TRAK1: variants seen among roughly 807,000 people sequenced by gnomAD.
The protein encoded by TRAK1 is trafficking kinesin protein 1.
A neutral mutation model predicts 92.1 loss-of-function variants in TRAK1; 33 were observed. The observed-to-expected ratio is 0.36, with a 90% CI of 0.27 to 0.48. The LOEUF is 0.48. TRAK1 is among the 20% of genes least tolerant of loss of function. The pLI, the probability that TRAK1 is intolerant of heterozygous loss-of-function variation, is 0.99. For missense variants in TRAK1, 1,123 were observed against 1,257.9 expected, an observed-to-expected ratio of 0.89 and a Z score of 1.62; for synonymous variants, 521 against 517.3, an observed-to-expected ratio of 1.01 and a Z score of -0.10.
intron 8 of TRAK1, among the ~76,000 whole-genome samples, 165 bp from the exon 9 acceptor site, chr3:42,193,659 G>A (rs1270500967): frequency 6.6e-6 from 1 of 152,112 alleles, no homozygotes; most frequent in Non-Finnish European, 1.5e-5. Context: ...TGTGGATATA[G>A]GAAAGACTTT....
intron 1 of TRAK1, among the ~76,000 whole-genome samples, chr3:42,116,168 GC>G (rs1709134638): frequency 6.6e-6 from 1 of 152,234 alleles, no homozygotes; most frequent in Non-Finnish European, 1.5e-5. Context: ...ACATCCCGAG[GC>G]CTCTTGCATG....
intron 14 of TRAK1, chr3:42,218,902 C>T: frequency 1.0e-6 from 1 of 985,358 alleles, no homozygotes; most frequent in Non-Finnish European, 1.2e-6. Flanking sequence ...GAACTCTTGC[C>T]ACGTTGTTGC....
At chr3:42,210,292 T>C (rs1331032735) in intron 14 of TRAK1, 2 of 1,515,102 alleles carry the variant, frequency 1.3e-6, no homozygotes, top group Admixed American at 2.3e-5. Context: ...GTTCTGTTTT[T>C]AAATACAGAG....
At chr3:42,172,879 G>T (rs6605325) in intron 2 of TRAK1, among the ~76,000 whole-genome samples, 3 of 152,094 alleles carry the variant, frequency 2.0e-5, no homozygotes, top group Admixed American at 2.0e-4. Flanking sequence ...AGCACGGTGG[G>T]TCATGCCTGT....
Position 42,194,810 on chromosome 3 carries a change from G to A in TRAK1, c.982G>A (p.Glu328Lys). The change falls in exon 10 of 16, where the codon GAG becomes AAG. Residue 328 changes from glutamate to lysine, a missense_variant. Transcript: ENST00000327628. ...GTGTCTTTCCTGCCTGCAGCTGCGT[G>A]AGCTGGAGGACAAGTACGCAGAGTG... The part of the protein sequence containing the change: ...AQRQLTAELR[E>K]LEDKYAECME... 6.2e-7 allele frequency: 1 copy of A among 1,613,602 alleles called. No homozygotes were observed. The highest frequency in any genetic ancestry group is 8.5e-7 in the Non-Finnish European group (1 of 1,179,804).
intron 2 of TRAK1, chr3:42,146,226 C>A: frequency 3.3e-6 from 1 of 305,860 alleles, no homozygotes; most frequent in Non-Finnish European, 6.7e-6. Flanking sequence ...AATGCGTCTT[C>A]AATAGCTGAT....
At chr3:42,206,852 CT>C (rs1708387487) in intron 13 of TRAK1, among the ~76,000 whole-genome samples, 1 of 152,184 alleles carries the variant, frequency 6.6e-6, no homozygotes. Context: ...CCTTTGTAGC[CT>C]CATTTCTTTC....
chr3:42,217,350 CT>C, intron 14 of TRAK1: 5 of 985,400 alleles, frequency 5.1e-6, no homozygotes, highest in Non-Finnish European at 6.0e-6. Flanking sequence ...GGCTTTAGCA[CT>C]TTGGAAACTT....
At chr3:42,207,990 C>T (rs1016211174) in intron 13 of TRAK1, among the ~76,000 whole-genome samples, 7 of 152,130 alleles carry the variant, frequency 4.6e-5, no homozygotes, top group South Asian at 2.1e-4. Flanking sequence ...AGATGCCGTT[C>T]GTCCACAGCT....
intron 1 of TRAK1, 70 bp downstream of exon 1, chr3:42,091,630 A>C (rs995500713): frequency 7.5e-6 from 11 of 1,459,782 alleles, no homozygotes; most frequent in African/African-American, 1.4e-5. Context: ...AGAAAAGACC[A>C]CAGGAGAAGC....
intron 3 of TRAK1, 106 bp from the exon 4 acceptor site, chr3:42,184,579 G>A: frequency 9.1e-7 from 1 of 1,100,484 alleles, no homozygotes; most frequent in Non-Finnish European, 1.3e-6. Context: ...TAATTCCTTT[G>A]TTATTTCTAG....
intron 6 of TRAK1, among the ~76,000 whole-genome samples, chr3:42,190,305 ATAG>A (rs903047150): frequency 2.0e-5 from 3 of 152,072 alleles, no homozygotes; most frequent in Admixed American, 6.5e-5. Flanking sequence ...GAGCCCCTTA[ATAG>A]TGCAGACCAT....
At chr3:42,169,627 C>T (rs527581129) in intron 2 of TRAK1, among the ~76,000 whole-genome samples, 25 of 150,152 alleles carry the variant, frequency 1.7e-4, no homozygotes, top group Admixed American at 1.5e-3. Context: ...GCTGAGATCG[C>T]GCCATTGCAC....
intron 3 of TRAK1, among the ~76,000 whole-genome samples, chr3:42,177,625 G>A (rs915329881): frequency 5.3e-5 from 8 of 152,298 alleles, no homozygotes; most frequent in Middle Eastern, 3.4e-3. Flanking sequence ...ATTTTGGGGC[G>A]TGTGACTATG....
upstream of TRAK1, among the ~76,000 whole-genome samples, chr3:42,013,556 G>A (rs1701389674): frequency 6.6e-6 from 1 of 150,488 alleles, no homozygotes; most frequent in Non-Finnish European, 1.5e-5. This position sits in a 1 kb window ranked among gnomAD's most constrained non-coding sequence, Gnocchi z 5.1. Context: ...AGGTGGCGGC[G>A]CGGGGCGGCG....
At chr3:42,210,586 C>A in intron 14 of TRAK1, 1 of 1,058,448 alleles carries the variant, frequency 9.4e-7, no homozygotes, top group Non-Finnish European at 1.1e-6. Flanking sequence ...TAAATGAGAT[C>A]ATCTGTTACC....
intron 1 of TRAK1, among the ~76,000 whole-genome samples, chr3:42,020,276 C>A (rs1431586464): frequency 6.6e-6 from 1 of 152,196 alleles, no homozygotes; most frequent in African/African-American, 2.4e-5. Context: ...ATTATCTTAG[C>A]TCCATTAATT....
At chr3:42,207,378 C>G (rs11922814) in intron 13 of TRAK1, among the ~76,000 whole-genome samples, 4,813 of 152,262 alleles carry the variant, frequency 0.032, 280 homozygotes, top group African/African-American at 0.11. Flanking sequence ...GGAAATTCTG[C>G]TGCTGACCAT....
chr3:42,147,395 G>T (rs1363436381), intron 2 of TRAK1, among the ~76,000 whole-genome samples: 1 of 152,140 alleles, frequency 6.6e-6, no homozygotes, highest in Admixed American at 6.5e-5. Context: ...AGGGGCACAG[G>T]TCCTCCAGGG....
Sources: gnomAD v4.1 joint callset for allele counts (sites outside exome capture counted in the v4.1 genomes callset) on GRCh38, gnomAD v4.1.1 for gene constraint, Gnocchi (gnomAD v3.1) non-coding constraint, MANE v1.5 for transcripts, NCBI Gene and HGNC (gene_info 2026-07-23, HGNC 2026-07-21) for gene names.